The following PDE4D variants were observed in gnomAD, a reference collection of about 807,000 sequenced individuals.
PDE4D encodes the protein 3',5'-cyclic-AMP phosphodiesterase 4D.
A neutral mutation model predicts 87.4 loss-of-function variants in PDE4D; 24 were observed. That is an observed-to-expected ratio of 0.27 (90% CI 0.20 to 0.39). The LOEUF is 0.39. Ranked by LOEUF, PDE4D falls within the 10% of genes least tolerant of loss-of-function variation. The pLI is 1.00. For missense variants in PDE4D, 714 were observed against 1,041.0 expected (o/e 0.69, Z 4.32); for synonymous variants, 384 against 383.2 (o/e 1.00, Z -0.02).
rs144228302 is a variant in PDE4D, at chr5:60,458,796, C to T, written c.-90+29146G>A. Among the ~76,000 whole-genome samples the T allele has an allele frequency of 3.1e-3, 478 of 152,238 alleles. 3 individuals are homozygous for T. The highest frequency in any genetic ancestry group is 0.011 in the African/African-American group (450 of 41,544). On this transcript the variant is annotated intron_variant, in intron 1 of 16. Transcript: ENST00000502484. ...ACTTATGCTGCAATCCATAAGTGCA[C>T]CTCCTCAATATGCCACCTCTGAAAA...
chr5:60,482,510 T>G (rs917892276), intron 1 of PDE4D, among the ~76,000 whole-genome samples: 2 of 152,174 alleles, frequency 1.3e-5, no homozygotes, highest in Admixed American at 1.3e-4. Flanking sequence ...AGCAGACTTC[T>G]ATGAGTTTTC....
intron 2 of PDE4D, among the ~76,000 whole-genome samples, chr5:60,069,086 C>T (rs1222237692): frequency 6.6e-6 from 1 of 152,104 alleles, no homozygotes; most frequent in East Asian, 1.9e-4. Flanking sequence ...TTCCAAGTAC[C>T]ATTTGTTGAA....
At chr5:59,453,440 C>A (rs1178894207) in intron 1 of PDE4D, among the ~76,000 whole-genome samples, 1 of 152,184 alleles carries the variant, frequency 6.6e-6, no homozygotes, top group East Asian at 1.9e-4. Context: ...AAAGCTAGGC[C>A]TCTTGTACCA....
At chr5:60,027,223 T>A (rs1766727997) in intron 2 of PDE4D, among the ~76,000 whole-genome samples, 1 of 152,134 alleles carries the variant, frequency 6.6e-6, no homozygotes, top group African/African-American at 2.4e-5. Flanking sequence ...CTTGCTCCAC[T>A]CCCTCCCTCT....
At chr5:60,488,769 C>T (rs1440682558), upstream of PDE4D, among the ~76,000 whole-genome samples, 1 of 151,998 alleles carries the variant, frequency 6.6e-6, no homozygotes, top group African/African-American at 2.4e-5. Flanking sequence ...AAAAGTTTTT[C>T]GTATCTTAAA....
chr5:59,414,331 A>C (rs1043183492), intron 1 of PDE4D, among the ~76,000 whole-genome samples: 4 of 152,206 alleles, frequency 2.6e-5, no homozygotes, highest in Non-Finnish European at 5.9e-5. Flanking sequence ...CCATCAGGCC[A>C]CCCAATCCTG....
At chr5:59,634,773 A>G (rs1455170540) in intron 1 of PDE4D, among the ~76,000 whole-genome samples, 9 of 152,246 alleles carry the variant, frequency 5.9e-5, no homozygotes, top group Non-Finnish European at 1.3e-4. Flanking sequence ...AAATGCACAC[A>G]AGAGAAAGCA....
At chr5:59,991,031 A>C (rs1403864696) in intron 2 of PDE4D, among the ~76,000 whole-genome samples, 2 of 152,220 alleles carry the variant, frequency 1.3e-5, no homozygotes, top group African/African-American at 4.8e-5. Flanking sequence ...TTAGTAGAAA[A>C]TAACAGAACA....
intron 1 of PDE4D, among the ~76,000 whole-genome samples, chr5:60,202,889 C>A (rs1583059414): frequency 6.6e-6 from 1 of 152,120 alleles, no homozygotes; most frequent in East Asian, 1.9e-4. Flanking sequence ...CTGATAAACA[C>A]ACATGCCCCT....
intron 1 of PDE4D, among the ~76,000 whole-genome samples, chr5:59,827,052 C>T (rs1770413223): frequency 6.6e-6 from 1 of 151,668 alleles, no homozygotes. Flanking sequence ...ATTTTCAATC[C>T]AGATTTAAGG....
chr5:59,193,772 G>C (rs563285473), intron 2 of PDE4D: 1 of 985,376 alleles, frequency 1.0e-6, no homozygotes, highest in African/African-American at 1.7e-5. Context: ...CATCAGCCAG[G>C]GTCACTGTTG....
intron 2 of PDE4D, among the ~76,000 whole-genome samples, chr5:60,043,797 C>A (rs1768812948): frequency 6.6e-6 from 1 of 152,004 alleles, no homozygotes; most frequent in Non-Finnish European, 1.5e-5. Flanking sequence ...AAATTTCTTT[C>A]AACATTTATT....
chr5:59,480,674 C>A (rs546504857), intron 1 of PDE4D, among the ~76,000 whole-genome samples: 1 of 152,150 alleles, frequency 6.6e-6, no homozygotes, highest in Non-Finnish European at 1.5e-5. Flanking sequence ...TCCAATATGA[C>A]ATTTTTCTTA....
intron 1 of PDE4D, among the ~76,000 whole-genome samples, chr5:59,350,596 C>T (rs1780366880): frequency 6.6e-6 from 1 of 152,142 alleles, no homozygotes; most frequent in Non-Finnish European, 1.5e-5. Flanking sequence ...AAACGCCAAG[C>T]ACCTAATATG....
chr5:59,625,390 A>AT (rs1830784474), intron 1 of PDE4D, among the ~76,000 whole-genome samples: 1 of 152,158 alleles, frequency 6.6e-6, no homozygotes, highest in Non-Finnish European at 1.5e-5. Flanking sequence ...GATGACCTTG[A>AT]TTCCAGATAA....
intron 1 of PDE4D, among the ~76,000 whole-genome samples, chr5:60,364,583 C>A (rs922260911): frequency 6.6e-6 from 1 of 152,030 alleles, no homozygotes; most frequent in African/African-American, 2.4e-5. Flanking sequence ...GGTTTTCTTA[C>A]ACAGAATCAG....
intron 5 of PDE4D, among the ~76,000 whole-genome samples, chr5:59,165,555 C>T (rs1262567151): frequency 6.6e-6 from 1 of 152,172 alleles, no homozygotes; most frequent in Non-Finnish European, 1.5e-5. Context: ...GAATTACAGG[C>T]GTGAGCAACC....
chr5:59,483,641 C>T (rs1357403320), intron 1 of PDE4D, among the ~76,000 whole-genome samples: 1 of 152,074 alleles, frequency 6.6e-6, no homozygotes, highest in Non-Finnish European at 1.5e-5. Flanking sequence ...TCATTGCAAC[C>T]AGGGACTGGA....
At chr5:59,016,156 T>C (rs1351834832) in intron 6 of PDE4D, among the ~76,000 whole-genome samples, 1 of 152,100 alleles carries the variant, frequency 6.6e-6, no homozygotes, top group African/African-American at 2.4e-5. Flanking sequence ...AGGGATAGCA[T>C]TAGGAGATAT....
Sources: gnomAD v4.1 joint callset for allele counts (sites outside exome capture counted in the v4.1 genomes callset) on GRCh38, gnomAD v4.1.1 for gene constraint, MANE v1.5 for transcripts, NCBI Gene and HGNC (gene_info 2026-07-23, HGNC 2026-07-21) for gene names.